The following IL1RAPL1 variants were observed in gnomAD, a reference collection of about 807,000 sequenced individuals.
IL1RAPL1 encodes interleukin-1 receptor accessory protein-like 1.
A neutral mutation model predicts 48.4 loss-of-function variants in IL1RAPL1; 3 were observed. The ratio of observed to expected loss-of-function variants is 0.06; its 90% CI spans 0.03 to 0.16. The LOEUF (loss-of-function observed/expected upper bound fraction) is 0.16, where lower values mean the gene tolerates loss of function less well. Among genes scored for constraint, IL1RAPL1 ranks in the 10% least tolerant of loss-of-function variants. IL1RAPL1 has a pLI of 1.00. For missense variants in IL1RAPL1, 349 were observed against 530.6 expected (o/e 0.66, Z 3.36); for synonymous variants, 185 against 187.7 (o/e 0.99, Z 0.12).
At chrX:29,081,147 G>A (rs1217032962) in intron 2 of IL1RAPL1, among the ~76,000 whole-genome samples, 1 of 103,621 alleles carries the variant, frequency 9.7e-6, no homozygotes, top group Non-Finnish European at 2.0e-5. Flanking sequence ...TCTGCTTCCC[G>A]GGTTCAAGCG....
chrX:28,896,387 T>G (rs747550365), intron 2 of IL1RAPL1, among the ~76,000 whole-genome samples: 1 of 111,984 alleles, frequency 8.9e-6, no homozygotes, highest in Admixed American at 9.4e-5. Context: ...GTCTCAGGGT[T>G]GCTGCCGAAT....
intron 2 of IL1RAPL1, among the ~76,000 whole-genome samples, chrX:29,027,283 C>T (rs981339031): frequency 8.9e-6 from 1 of 112,338 alleles, no homozygotes; most frequent in Non-Finnish European, 1.9e-5. Context: ...TATTTAGAAT[C>T]ATACAGTATG....
At chrX:29,901,696 G>T (rs1369633668) in intron 6 of IL1RAPL1, among the ~76,000 whole-genome samples, 1 of 111,799 alleles carries the variant, frequency 8.9e-6, no homozygotes, top group African/African-American at 3.3e-5. Context: ...ATTTTTAATG[G>T]CTGATTTAAA....
chrX:29,251,250 T>G (rs1432941195), intron 2 of IL1RAPL1, among the ~76,000 whole-genome samples: 1 of 112,452 alleles, frequency 8.9e-6, no homozygotes, highest in Non-Finnish European at 1.9e-5. Flanking sequence ...ATTTATCCAT[T>G]TAGTAATTCT....
At chrX:29,265,692 A>G (rs1425265069) in intron 2 of IL1RAPL1, among the ~76,000 whole-genome samples, 5 of 91,877 alleles carry the variant, frequency 5.4e-5, no homozygotes, top group Admixed American at 1.3e-4. Context: ...TCATTGTTCA[A>G]TTCCCACCTA....
chrX:29,744,234 C>T (rs1928276576), intron 6 of IL1RAPL1, among the ~76,000 whole-genome samples: 1 of 111,914 alleles, frequency 8.9e-6, no homozygotes, highest in South Asian at 3.7e-4. Context: ...TGTAGGAGTG[C>T]TATTGTTTCT....
chrX:29,205,639 G>A (rs1381174592), intron 2 of IL1RAPL1, among the ~76,000 whole-genome samples: 1 of 111,915 alleles, frequency 8.9e-6, no homozygotes, highest in African/African-American at 3.2e-5. Context: ...TAAAGTAACT[G>A]TGAGGATTAA....
At chrX:29,581,403 A>T (rs1301031293) in intron 5 of IL1RAPL1, among the ~76,000 whole-genome samples, 1 of 111,790 alleles carries the variant, frequency 8.9e-6, no homozygotes, top group Non-Finnish European at 1.9e-5. Context: ...GAAGACCTGG[A>T]AATGAACTCC....
At position 29,608,630 on chromosome X, in the gene IL1RAPL1, T is replaced by C. The variant is rs182944864; in HGVS notation, c.704-59800T>C. Among the ~76,000 whole-genome samples the C allele has an allele frequency of 3.2e-3, 348 of 107,311 alleles. 1 individual carries two copies. The highest frequency in any genetic ancestry group is 0.011 in the African/African-American group (326 of 29,033). 93.2% of individuals were successfully genotyped at this position (107,311 alleles called of 115,157 possible). On this transcript the variant is annotated intron_variant, in intron 5 of 10. Coordinates refer to ENST00000378993, the MANE Select transcript of IL1RAPL1 (RefSeq NM_014271.4). ...TCACGAGGTCAGGAGATCGAGACCATCCTGGCTAACACGGTGAAACCCCGT... is the reference window on the plus strand; with the variant it reads ...TCACGAGGTCAGGAGATCGAGACCACCCTGGCTAACACGGTGAAACCCCGT...
intron 6 of IL1RAPL1, among the ~76,000 whole-genome samples, chrX:29,688,728 T>TTCTCTCTC (rs71811113): frequency 5.3e-5 from 4 of 74,786 alleles, no homozygotes; most frequent in Admixed American, 1.7e-4. Flanking sequence ...TCAGGGTTGC[T>TTCTCTCTC]TCTCTCTCTC....
intron 6 of IL1RAPL1, among the ~76,000 whole-genome samples, chrX:29,711,069 T>TAC (rs745317897): frequency 6.6e-4 from 57 of 86,436 alleles, no homozygotes; most frequent in Middle Eastern, 6.1e-3. Flanking sequence ...TGTGTGTGTA[T>TAC]ACACACACAC....
intron 1 of IL1RAPL1, among the ~76,000 whole-genome samples, chrX:28,720,429 A>C (rs1935557335): frequency 8.9e-6 from 1 of 111,987 alleles, no homozygotes; most frequent in Non-Finnish European, 1.9e-5. Flanking sequence ...TTTTGAAAAA[A>C]GGTTGGAATT....
intron 2 of IL1RAPL1, among the ~76,000 whole-genome samples, chrX:28,891,786 A>G (rs1196896493): frequency 2.7e-5 from 3 of 111,120 alleles, no homozygotes; most frequent in Non-Finnish European, 5.7e-5. Context: ...TGTTTAAAGT[A>G]TTGAGGAACC....
chrX:29,022,132 C>T (rs1926384388), intron 2 of IL1RAPL1, among the ~76,000 whole-genome samples: 1 of 111,348 alleles, frequency 9.0e-6, no homozygotes, highest in South Asian at 3.8e-4. Context: ...TTCATTCTCC[C>T]TCTCTTCCAA....
At chrX:29,713,175 T>C (rs1374080401) in intron 6 of IL1RAPL1, among the ~76,000 whole-genome samples, 1 of 111,713 alleles carries the variant, frequency 9.0e-6, no homozygotes, top group Non-Finnish European at 1.9e-5. Flanking sequence ...TGATCCTTAA[T>C]GGTATGTGAT....
chrX:29,612,366 A>G (rs1924123501), intron 5 of IL1RAPL1, among the ~76,000 whole-genome samples: 1 of 110,123 alleles, frequency 9.1e-6, no homozygotes. Context: ...GAGGATCTAC[A>G]TGTTTCTGAA....
chrX:29,904,541 G>A (rs1932568966), intron 6 of IL1RAPL1, among the ~76,000 whole-genome samples: 1 of 106,804 alleles, frequency 9.4e-6, no homozygotes, highest in Non-Finnish European at 1.9e-5. Flanking sequence ...AACCCCGACA[G>A]GCCCCAGTGT....
intron 6 of IL1RAPL1, among the ~76,000 whole-genome samples, chrX:29,846,131 T>C (rs1406067769): frequency 9.0e-6 from 1 of 111,474 alleles, no homozygotes; most frequent in Admixed American, 9.5e-5. Context: ...TAAAATCTGT[T>C]AGGTTTGGCT....
At chrX:29,276,144 G>T (rs1053342568) in intron 2 of IL1RAPL1, among the ~76,000 whole-genome samples, 3 of 111,740 alleles carry the variant, frequency 2.7e-5, no homozygotes, top group Non-Finnish European at 5.6e-5. Flanking sequence ...ATCAGTGTTT[G>T]TTTGGTCTGT....
Sources: allele counts gnomAD v4.1 joint callset (sites outside exome capture counted in the v4.1 genomes callset), GRCh38; gene constraint gnomAD v4.1.1; transcripts MANE v1.5; gene names NCBI Gene and HGNC (gene_info 2026-07-23, HGNC 2026-07-21).